PCTP: variants seen among roughly 807,000 people sequenced by gnomAD.
PCTP encodes phosphatidylcholine transfer protein.
In PCTP, 27 loss-of-function variants were observed where a neutral mutation model predicts 31.0. The observed-to-expected ratio is 0.87, with a 90% CI of 0.64 to 1.20. The LOEUF (loss-of-function observed/expected upper bound fraction) is 1.20, where lower values mean the gene tolerates loss of function less well. Among genes scored for constraint, PCTP ranks in the 50% most tolerant of loss-of-function variants. The pLI, the probability that PCTP is intolerant of heterozygous loss-of-function variation, is 0.00. For synonymous variants in PCTP, 108 were observed against 101.2 expected, an observed-to-expected ratio of 1.07 and a Z score of -0.40; for missense variants, 287 against 268.2, an observed-to-expected ratio of 1.07 and a Z score of -0.49.
At chr17:55,784,965 G>C (rs1032804871) in intron 2 of PCTP, among the ~76,000 whole-genome samples, 7 of 152,160 alleles carry the variant, frequency 4.6e-5, no homozygotes, top group Non-Finnish European at 1.0e-4. Context: ...CCCCACATCT[G>C]TATATAGCAC....
chr17:55,839,151 CAGT>C (rs1905875893), intron 5 of PCTP, among the ~76,000 whole-genome samples: 1 of 152,196 alleles, frequency 6.6e-6, no homozygotes, highest in African/African-American at 2.4e-5. Context: ...AGAGTAGCAG[CAGT>C]GACTTAACAG....
At chr17:55,816,834 A>G (rs550771045) in intron 3 of PCTP, among the ~76,000 whole-genome samples, 1 of 152,340 alleles carries the variant, frequency 6.6e-6, no homozygotes, top group African/African-American at 2.4e-5. Flanking sequence ...TATTCTTTCC[A>G]AAACATTAGC....
At chr17:55,797,331 A>G (rs867527426) in intron 3 of PCTP, among the ~76,000 whole-genome samples, 8 of 152,002 alleles carry the variant, frequency 5.3e-5, no homozygotes, top group South Asian at 2.1e-4. Context: ...CCTAGTGTTA[A>G]GGCTTTGTAT....
chr17:55,830,344 A>G (rs774424929), intron 5 of PCTP, among the ~76,000 whole-genome samples: 2 of 152,104 alleles, frequency 1.3e-5, no homozygotes, highest in Non-Finnish European at 2.9e-5. Flanking sequence ...ACCTCTGACA[A>G]TTTTTAACTG....
intron 1 of PCTP, among the ~76,000 whole-genome samples, chr17:55,757,019 T>TA (rs767829227): frequency 2.4e-4 from 36 of 152,072 alleles, no homozygotes; most frequent in Non-Finnish European, 3.5e-4. Flanking sequence ...GGATAATACT[T>TA]ACCTTTCAGG....
At chr17:55,763,293 C>T (rs1267940679) in intron 1 of PCTP, among the ~76,000 whole-genome samples, 2 of 152,152 alleles carry the variant, frequency 1.3e-5, no homozygotes, top group African/African-American at 2.4e-5. Context: ...TGGTGCCCAA[C>T]GCTGGTGAGA....
chr17:55,810,141 T>C (rs1381621908), intron 3 of PCTP, among the ~76,000 whole-genome samples: 1 of 152,276 alleles, frequency 6.6e-6, no homozygotes, highest in Admixed American at 6.5e-5. Flanking sequence ...TGCCTCAGCC[T>C]CCATAGTAGC....
intron 2 of PCTP, among the ~76,000 whole-genome samples, chr17:55,786,895 A>T (rs1390494345): frequency 6.6e-6 from 1 of 152,110 alleles, no homozygotes; most frequent in Admixed American, 6.6e-5. Flanking sequence ...ATCCTGCATC[A>T]CCTGTACCTA....
At chr17:55,814,621 G>C (rs527564606) in intron 3 of PCTP, among the ~76,000 whole-genome samples, 2 of 152,344 alleles carry the variant, frequency 1.3e-5, no homozygotes, top group South Asian at 4.1e-4. Flanking sequence ...GGAAGGTCAA[G>C]GGTTCAAGAA....
chr17:55,775,785 T>G, intron 5 of PCTP: 1 of 1,261,418 alleles, frequency 7.9e-7, no homozygotes, highest in Non-Finnish European at 9.9e-7. Flanking sequence ...AGAAACATCT[T>G]CGCTTTTTCC....
chr17:55,797,265 AT>A (rs1443840220), intron 3 of PCTP, among the ~76,000 whole-genome samples: 1 of 151,960 alleles, frequency 6.6e-6, no homozygotes, highest in East Asian at 1.9e-4. Flanking sequence ...AGTTTGGGAG[AT>A]TTACAAAGAA....
downstream of PCTP, chr17:55,777,421 G>T: frequency 1.0e-6 from 1 of 965,690 alleles, no homozygotes; most frequent in Non-Finnish European, 1.2e-6. Context: ...TTTTGTGAGT[G>T]TGCATCAGTT....
chr17:55,829,587 A>G (rs1292396366), intron 5 of PCTP, among the ~76,000 whole-genome samples: 1 of 152,014 alleles, frequency 6.6e-6, no homozygotes, highest in East Asian at 1.9e-4. Flanking sequence ...TGGGATTATA[A>G]GCTTGAGCCA....
At chr17:55,753,257 C>G (rs551285098) in intron 1 of PCTP, among the ~76,000 whole-genome samples, 1 of 152,326 alleles carries the variant, frequency 6.6e-6, no homozygotes, top group East Asian at 1.9e-4. Context: ...TTTTGGCCTA[C>G]CAGCTCTCTG....
downstream of PCTP, among the ~76,000 whole-genome samples, chr17:55,847,327 T>C (rs974737795): frequency 6.6e-6 from 1 of 152,234 alleles, no homozygotes; most frequent in Admixed American, 6.5e-5. Context: ...TTTGGCTCCA[T>C]GGCCCTACCC....
rs1295695283 is a variant in PCTP, at chr17:55,784,715, T to C, written c.229-2851T>C. ...TCCAATATACCATTTACCATCACTA[T>C]GATTTCATAAAAGAAAGGTTTAACC... On this transcript the variant is annotated intron_variant, in intron 2 of 3. Transcript: ENST00000572536. 2.0e-5 allele frequency among the ~76,000 whole-genome samples: 3 copies of C among 152,372 alleles called. No individual in the cohort carries two copies. The East Asian group carries it at 5.8e-4, about 29-fold the overall frequency.
the PCTP span, among the ~76,000 whole-genome samples, chr17:55,850,316 G>A: frequency 1.4e-4 from 22 of 152,064 alleles, 1 homozygote; most frequent in Middle Eastern, 3.2e-3. Flanking sequence ...TAGGAGTGTC[G>A]ATTTTCAAAA....
rs1032893629 is a variant in PCTP, at chr17:55,776,695, C to G, written c.*595C>G. ...GAGGTGATAATCCAGTAAGTCTTTC[C>G]TCGTTCCTACTTGTGGAGGATCAGT... On this transcript the variant is annotated 3_prime_UTR_variant, in exon 6 of 6. Coordinates refer to ENST00000268896, the MANE Select transcript of PCTP (RefSeq NM_021213.4). 2.5e-6 allele frequency: 3 copies of G among 1,215,724 alleles called. No individual in the cohort carries two copies. Among genetic ancestry groups the G allele is most frequent in the Non-Finnish European group, 3.1e-6 (3 of 978,194 alleles). 75.3% of individuals were successfully genotyped at this position (1,215,724 alleles called of 1,614,324 possible).
intron 1 of PCTP, among the ~76,000 whole-genome samples, chr17:55,752,323 G>A (rs1254584142): frequency 1.3e-5 from 2 of 152,206 alleles, no homozygotes; most frequent in Non-Finnish European, 2.9e-5. Context: ...CTCATTGCAG[G>A]AATGAAAACT....
Sources: allele counts gnomAD v4.1 joint callset (sites outside exome capture counted in the v4.1 genomes callset), GRCh38; gene constraint gnomAD v4.1.1; transcripts MANE v1.5; gene names NCBI Gene and HGNC (gene_info 2026-07-23, HGNC 2026-07-21).